TBC1D31: variants seen among roughly 807,000 people sequenced by gnomAD.
TBC1D31 encodes WD repeat domain 67.
Under a neutral mutation model 132.9 loss-of-function variants are expected in TBC1D31, and 99 were observed. The observed-to-expected ratio is 0.74, with a 90% CI of 0.63 to 0.88. The LOEUF (loss-of-function observed/expected upper bound fraction) is 0.88. Among genes scored for constraint, TBC1D31 ranks in the 40% least tolerant of loss-of-function variants. The pLI is 0.00. For missense variants in TBC1D31, 1,134 were observed against 1,256.6 expected, an observed-to-expected ratio of 0.90 and a Z score of 1.48; for synonymous variants, 385 against 419.4, an observed-to-expected ratio of 0.92 and a Z score of 1.00.
At chr8:123,142,477 C>A in intron 19 of TBC1D31, 21 bp downstream of exon 19, 2 of 1,452,186 alleles carry the variant, frequency 1.4e-6, no homozygotes, top group Non-Finnish European at 9.2e-7. Context: ...GTGTTATAAA[C>A]TTTTTAATAT....
At chr8:123,160,935 C>T in the TBC1D31 span, among the ~76,000 whole-genome samples, 2 of 152,194 alleles carry the variant, frequency 1.3e-5, no homozygotes, top group South Asian at 4.1e-4. Flanking sequence ...TGCAGAATCC[C>T]GGCAGGAGCG....
At chr8:123,143,954 T>C (rs1228954601) in intron 19 of TBC1D31, among the ~76,000 whole-genome samples, 2 of 152,226 alleles carry the variant, frequency 1.3e-5, no homozygotes, top group African/African-American at 2.4e-5. Context: ...TGTCTTGCGT[T>C]GTAAAGCTGA....
chr8:123,077,068 A>G, intron 1 of TBC1D31, 43 bp from the exon 2 acceptor site: 1 of 1,530,132 alleles, frequency 6.5e-7, no homozygotes, highest in South Asian at 1.2e-5. Flanking sequence ...ATATCAAGTA[A>G]TACGTGACAT....
At chr8:123,080,529 C>CTTTTTTTTTTTTT (rs57694076) in intron 2 of TBC1D31, among the ~76,000 whole-genome samples, 5 of 76,320 alleles carry the variant, frequency 6.6e-5, no homozygotes, top group Non-Finnish European at 1.2e-4. Flanking sequence ...TTCTTTTATT[C>CTTTTTTTTTTTTT]TTTTTTTTTT....
chr8:123,080,653 C>T (rs1356048651), intron 2 of TBC1D31, among the ~76,000 whole-genome samples: 2 of 149,260 alleles, frequency 1.3e-5, no homozygotes, highest in Non-Finnish European at 3.0e-5. Flanking sequence ...TCTTCTGCCT[C>T]AGCCTCCCAA....
chr8:123,124,435 A>G (rs1479214678), intron 11 of TBC1D31, among the ~76,000 whole-genome samples: 1 of 152,198 alleles, frequency 6.6e-6, no homozygotes, highest in African/African-American at 2.4e-5. Flanking sequence ...GCATCAAAGC[A>G]GAATAAAAAT....
chr8:123,079,287 A>G (rs1237887609), intron 2 of TBC1D31, among the ~76,000 whole-genome samples: 4 of 152,250 alleles, frequency 2.6e-5, no homozygotes, highest in Non-Finnish European at 5.9e-5. Flanking sequence ...GTGGTAATGT[A>G]TAAATGTAAT....
At chr8:123,118,193 G>A (rs1819129508) in intron 10 of TBC1D31, among the ~76,000 whole-genome samples, 1 of 152,118 alleles carries the variant, frequency 6.6e-6, no homozygotes, top group African/African-American at 2.4e-5. Context: ...TGAAATGAAA[G>A]AAATAACGGA....
chr8:123,130,770 C>T (rs139363998), intron 16 of TBC1D31, among the ~76,000 whole-genome samples: 288 of 151,438 alleles, frequency 1.9e-3, no homozygotes, highest in African/African-American at 6.6e-3. Context: ...TACAGGTGCA[C>T]GCCACCACAC....
At chr8:123,090,784 C>T (rs1226108672) in intron 4 of TBC1D31, among the ~76,000 whole-genome samples, 2 of 151,994 alleles carry the variant, frequency 1.3e-5, no homozygotes, top group Admixed American at 6.6e-5. Flanking sequence ...AACCCCATCT[C>T]TACTAAAATA....
intron 4 of TBC1D31, among the ~76,000 whole-genome samples, chr8:123,090,341 GCTT>G (rs1476064443): frequency 3.3e-5 from 5 of 152,142 alleles, no homozygotes; most frequent in Admixed American, 6.5e-5. Context: ...AAGTCTTACT[GCTT>G]CTCAGGTAAA....
Position 123,072,756 on chromosome 8 carries a change from G to A in TBC1D31, c.-14G>A, listed in dbSNP as rs1814028580. The A allele has an allele frequency of 1.3e-6, 2 of 1,556,232 alleles. No individual in the cohort carries two copies. Among genetic ancestry groups the A allele is most frequent in the East Asian group, 2.4e-5 (1 of 41,396 alleles). ...TACCCAGCGGGCCGCCGGCGGTCGT[G>A]GGCAAGCTTCGCCATGCAGAGCACT... On this transcript the variant is annotated 5_prime_UTR_variant, in exon 1 of 22. Coordinates refer to ENST00000287380, the MANE Select transcript of TBC1D31 (RefSeq NM_145647.4).
At chr8:123,139,670 A>C (rs912787276) in intron 17 of TBC1D31, among the ~76,000 whole-genome samples, 1 of 152,156 alleles carries the variant, frequency 6.6e-6, no homozygotes. Flanking sequence ...GTCTGAGAAC[A>C]CAGCCCGTAG....
intron 7 of TBC1D31, among the ~76,000 whole-genome samples, chr8:123,101,763 C>T (rs763015718): frequency 7.9e-5 from 12 of 152,142 alleles, no homozygotes; most frequent in Non-Finnish European, 1.5e-4. Flanking sequence ...TTCTCCACTT[C>T]CATAATTGCT....
Position 123,144,741 on chromosome 8 carries a change from T to A in TBC1D31, c.2860T>A (p.Phe954Ile). 6.2e-7 allele frequency: 1 copy of A among 1,606,060 alleles called. No homozygotes were observed. The highest frequency in any genetic ancestry group is 8.5e-7 in the Non-Finnish European group (1 of 1,178,146). Reference protein sequence around the residue: ...KKWKEAEGKEFRLRSAKKASA... With the variant: ...KKWKEAEGKEIRLRSAKKASA... The stretch of plus-strand genomic sequence containing the variant: ...GTGGAAGGAAGCTGAAGGAAAAGAG[T>A]TCCGTTTGAGATCAGCAAAGAAAGC... The change falls in exon 20 of 22, where the codon TTC (phenylalanine) becomes ATC (isoleucine). Residue 954 changes from phenylalanine to isoleucine, a missense_variant. Physicochemically the swap from Phe to Ile is conservative, Grantham distance 21. Transcript: ENST00000287380.
chr8:123,142,313 TG>T lies in TBC1D31; in HGVS notation c.2694del (p.Trp898CysfsTer23). 1 of 1,601,592 alleles carries T rather than the reference TG, an allele frequency of 6.2e-7. No individual in the cohort carries two copies. Among genetic ancestry groups the T allele is most frequent in the Non-Finnish European group, 8.5e-7 (1 of 1,176,232 alleles). ...KAEQACLNTDWQIQSLHKQKC... is the reference protein window; with the variant it reads ...KAEQACLNTDXQIQSLHKQKC... ...TGAACAAGCATGCCTAAATACCGAC[TG>T]GCAGATTCAGTCTTTACATAAACAA... On this transcript the variant is annotated frameshift_variant, in exon 19 of 22. Coordinates refer to ENST00000287380, the MANE Select transcript of TBC1D31 (RefSeq NM_145647.4). LOFTEE classifies it high-confidence loss of function.
chr8:123,126,366 G>C (rs1820032877), intron 12 of TBC1D31, 142 bp from the exon 13 acceptor site: 2 of 1,148,430 alleles, frequency 1.7e-6, no homozygotes, highest in Non-Finnish European at 2.4e-6. Context: ...TGTAAAGAAG[G>C]GTCCAAATTA....
At chr8:123,112,513 TTTTAAA>T (rs1281336768) in intron 10 of TBC1D31, among the ~76,000 whole-genome samples, 2 of 152,216 alleles carry the variant, frequency 1.3e-5, no homozygotes, top group Admixed American at 1.3e-4. Context: ...GTACTCTGCT[TTTTAAA>T]TTTAACAACG....
intron 10 of TBC1D31, among the ~76,000 whole-genome samples, chr8:123,111,614 C>A (rs1233322536): frequency 6.6e-6 from 1 of 151,912 alleles, no homozygotes; most frequent in Non-Finnish European, 1.5e-5. Context: ...TGCTAAAAAT[C>A]TTGATTTCTA....
Sources: gnomAD v4.1 joint callset for allele counts (sites outside exome capture counted in the v4.1 genomes callset) on GRCh38, gnomAD v4.1.1 for gene constraint, MANE v1.5 for transcripts, NCBI Gene and HGNC (gene_info 2026-07-23, HGNC 2026-07-21) for gene names.